Variants in CACNA1E observed in about 807,000 individuals in gnomAD.
CACNA1E encodes the protein calcium voltage-gated channel subunit alpha1 E.
Under a neutral mutation model 259.2 loss-of-function variants are expected in CACNA1E, and 40 were observed. That is an observed-to-expected ratio of 0.15 (90% CI 0.12 to 0.20). CACNA1E has a LOEUF of 0.20. Among genes scored for constraint, CACNA1E ranks in the 10% least tolerant of loss-of-function variants. The probability of loss-of-function intolerance (pLI) is 1.00; values close to 1 mark genes in which losing one functional copy is unlikely to be tolerated. For synonymous variants in CACNA1E, 1,104 were observed against 1,138.5 expected (o/e 0.97, Z 0.61); for missense variants, 1,874 against 3,040.1 (o/e 0.62, Z 9.02).
intron 1 of CACNA1E, among the ~76,000 whole-genome samples, chr1:181,402,583 G>A (rs1657180159): frequency 6.6e-6 from 1 of 152,208 alleles, no homozygotes; most frequent in African/African-American, 2.4e-5. Context: ...CCGTCCCCAT[G>A]CAGTACTGTC....
chr1:181,546,508 A>G (rs535571996), intron 3 of CACNA1E, among the ~76,000 whole-genome samples: 1 of 152,030 alleles, frequency 6.6e-6, no homozygotes, highest in South Asian at 2.1e-4. Flanking sequence ...TCTGTTTTCT[A>G]TCTCAAATTG....
chr1:181,595,710 A>G (rs1043699384), intron 6 of CACNA1E, among the ~76,000 whole-genome samples: 8 of 152,156 alleles, frequency 5.3e-5, no homozygotes, highest in Non-Finnish European at 1.2e-4. Context: ...CACTCCCCAC[A>G]GGCGAGGGTA....
At chr1:181,373,815 G>A (rs1258817591) in intron 1 of CACNA1E, among the ~76,000 whole-genome samples, 2 of 152,158 alleles carry the variant, frequency 1.3e-5, no homozygotes, top group Non-Finnish European at 2.9e-5. Flanking sequence ...ATGGACCACC[G>A]TGCCTGGCCC....
At chr1:181,703,861 T>C (rs183393492) in intron 7 of CACNA1E, among the ~76,000 whole-genome samples, 27 of 152,354 alleles carry the variant, frequency 1.8e-4, no homozygotes, top group Middle Eastern at 3.4e-3. Context: ...TATCCTGGTC[T>C]GTGAGACTCC....
chr1:181,518,830 T>C (rs1666784360), intron 3 of CACNA1E, among the ~76,000 whole-genome samples: 1 of 152,292 alleles, frequency 6.6e-6, no homozygotes, highest in Non-Finnish European at 1.5e-5. Context: ...CCCCCACCCA[T>C]TGACAGAAGC....
chr1:181,768,965 T>G (rs763138277), intron 35 of CACNA1E, among the ~76,000 whole-genome samples: 24 of 152,326 alleles, frequency 1.6e-4, no homozygotes, highest in East Asian at 3.9e-4. Flanking sequence ...TTCCAAACTT[T>G]CAAAGGCGCC....
At position 181,518,094 on chromosome 1, in the gene CACNA1E, A is replaced by T. The variant is rs574005133; in HGVS notation, c.512+6584A>T. On this transcript the variant is annotated intron_variant, in intron 3 of 47. Coordinates refer to ENST00000367573, the MANE Select transcript of CACNA1E (RefSeq NM_001205293.3). ...TGGGGAGCAAGGGCAGAATGGGTAG[A>T]GGGAGGAGACATGAGAACTTGTTAT... Among the ~76,000 whole-genome samples, 3 of 152,188 alleles carry T rather than the reference A, an allele frequency of 2.0e-5. No homozygotes were observed. In the South Asian group the frequency reaches 6.2e-4, roughly 32 times the overall value.
At chr1:181,785,006 T>C (rs528653214) in intron 41 of CACNA1E, among the ~76,000 whole-genome samples, 1 of 152,156 alleles carries the variant, frequency 6.6e-6, no homozygotes, top group South Asian at 2.1e-4. Flanking sequence ...CAAACCTTCA[T>C]GGGAGAAAGG....
At chr1:181,489,783 G>A (rs1414573304) in intron 1 of CACNA1E, among the ~76,000 whole-genome samples, 1 of 152,294 alleles carries the variant, frequency 6.6e-6, no homozygotes, top group Admixed American at 6.5e-5. Flanking sequence ...ACAGGGAGCA[G>A]GGGTAGTTAT....
chr1:181,711,367 C>T (rs936404839), intron 8 of CACNA1E, among the ~76,000 whole-genome samples: 4 of 152,084 alleles, frequency 2.6e-5, no homozygotes, highest in Non-Finnish European at 4.4e-5. Flanking sequence ...TTTGTAATAC[C>T]GTTCCTGGTG....
At chr1:181,796,270 C>T (rs11576803) in intron 46 of CACNA1E, among the ~76,000 whole-genome samples, 1 of 152,112 alleles carries the variant, frequency 6.6e-6, no homozygotes, top group South Asian at 2.1e-4. Context: ...TTTCAGGCTG[C>T]TACAACAAAT....
At chr1:181,360,838 C>G (rs1006323883) in intron 1 of CACNA1E, among the ~76,000 whole-genome samples, 6 of 152,150 alleles carry the variant, frequency 3.9e-5, no homozygotes, top group African/African-American at 1.4e-4. Flanking sequence ...AAATATTGTT[C>G]TACTACCATA....
intron 15 of CACNA1E, 33 bp from the exon 16 acceptor site, chr1:181,721,725 G>T: frequency 6.9e-7 from 1 of 1,450,362 alleles, no homozygotes. Context: ...TCCAGCCCAG[G>T]TTTCTGATGC....
chr1:181,784,599 C>T (rs1660705654), intron 40 of CACNA1E, 62 bp from the exon 41 acceptor site: 1 of 1,143,382 alleles, frequency 8.7e-7, no homozygotes, highest in South Asian at 1.4e-5. Flanking sequence ...ACCTTCACCT[C>T]CTCCCTCAGT....
chr1:181,428,184 C>T (rs1659445076), intron 2 of CACNA1E, among the ~76,000 whole-genome samples: 1 of 152,216 alleles, frequency 6.6e-6, no homozygotes, highest in Admixed American at 6.5e-5. Flanking sequence ...CTCAACACCC[C>T]TCCTCAGCAT....
rs1295702112 is a variant in CACNA1E at position 181,715,274 on chromosome 1, T to C, written c.1172-64T>C. On this transcript the variant is annotated intron_variant, in intron 8 of 47. Coordinates refer to ENST00000367573, the MANE Select transcript of CACNA1E (RefSeq NM_001205293.3). ...CTGAGCTGAAGTTGTCCCTGAGGGA[T>C]TTTAATCTTGCAGAATAATTTGGCA... is the stretch of plus-strand genomic sequence containing the variant. 5.9e-6 allele frequency: 6 copies of C among 1,022,100 alleles called. No homozygotes were observed. In the Admixed American group the frequency reaches 1.2e-4, roughly 20 times the overall value. The allele number at this position is 1,022,100 out of a possible 1,614,324, so 63.3% of individuals were successfully genotyped here.
intron 1 of CACNA1E, among the ~76,000 whole-genome samples, chr1:181,326,637 C>G (rs1474788872): frequency 6.6e-6 from 1 of 152,160 alleles, no homozygotes; most frequent in African/African-American, 2.4e-5. Context: ...GGCCACCGCT[C>G]GTATGCTGGT....
intron 1 of CACNA1E, among the ~76,000 whole-genome samples, chr1:181,396,072 A>G (rs1300644525): frequency 1.3e-5 from 2 of 152,200 alleles, no homozygotes; most frequent in African/African-American, 4.8e-5. Flanking sequence ...CTGGGGCTGG[A>G]GAATCCCATT....
At chr1:181,766,760 G>A in intron 35 of CACNA1E, 149 bp downstream of exon 35, 1 of 648,512 alleles carries the variant, frequency 1.5e-6, no homozygotes, top group South Asian at 1.9e-5. Flanking sequence ...GTGTGACCTT[G>A]GGAATTTCAC....
Sources: allele counts gnomAD v4.1 joint callset (sites outside exome capture counted in the v4.1 genomes callset), GRCh38; gene constraint gnomAD v4.1.1; transcripts MANE v1.5; gene names NCBI Gene and HGNC (gene_info 2026-07-23, HGNC 2026-07-21).